DENND1B: variants seen among roughly 807,000 people sequenced by gnomAD.
DENND1B encodes DENN domain containing 1B, also known as DENN domain-containing protein 1B.
Under a neutral mutation model 90.1 loss-of-function variants are expected in DENND1B, and 59 were observed. That is an observed-to-expected ratio of 0.65 (90% CI 0.53 to 0.81). The LOEUF (loss-of-function observed/expected upper bound fraction) is 0.81. Among genes scored for constraint, DENND1B ranks in the 40% least tolerant of loss-of-function variants. DENND1B has a pLI of 0.00. For synonymous variants in DENND1B, 337 were observed against 324.6 expected, an observed-to-expected ratio of 1.04 and a Z score of -0.41; for missense variants, 862 against 912.6, an observed-to-expected ratio of 0.94 and a Z score of 0.71.
chr1:197,644,591 T>G (rs903083549), intron 9 of DENND1B, among the ~76,000 whole-genome samples: 1 of 151,828 alleles, frequency 6.6e-6, no homozygotes, highest in African/African-American at 2.4e-5. Flanking sequence ...TGGCCTACAG[T>G]GTACAGCAGT....
intron 20 of DENND1B, among the ~76,000 whole-genome samples, chr1:197,523,568 G>A (rs1668926419): frequency 6.6e-6 from 1 of 152,136 alleles, no homozygotes; most frequent in South Asian, 2.1e-4. Flanking sequence ...ATATAGCTCA[G>A]GGGTTCCAGG....
At chr1:197,659,636 A>G (rs1654207765) in intron 5 of DENND1B, among the ~76,000 whole-genome samples, 1 of 152,006 alleles carries the variant, frequency 6.6e-6, no homozygotes, top group Non-Finnish European at 1.5e-5. Flanking sequence ...AAAAAACAAT[A>G]GCAATGCAGG....
chr1:197,624,673 C>T (rs1678489684), intron 10 of DENND1B, among the ~76,000 whole-genome samples: 1 of 151,872 alleles, frequency 6.6e-6, no homozygotes, highest in Admixed American at 6.6e-5. Flanking sequence ...TAGAGAATGA[C>T]TTTGACGAGT....
upstream of DENND1B, among the ~76,000 whole-genome samples, chr1:197,777,257 T>C (rs4619002): frequency 4.6e-5 from 7 of 152,202 alleles, no homozygotes; most frequent in African/African-American, 9.6e-5. Flanking sequence ...GAGATAATAA[T>C]ACAATTGTTT....
intron 13 of DENND1B, among the ~76,000 whole-genome samples, chr1:197,600,990 T>C (rs1228300972): frequency 6.6e-6 from 1 of 151,608 alleles, no homozygotes; most frequent in South Asian, 2.1e-4. Context: ...ACATGGTTTT[T>C]TTCCCGTGCC....
chr1:197,588,103 G>T (rs758931191), intron 14 of DENND1B, among the ~76,000 whole-genome samples: 2 of 152,170 alleles, frequency 1.3e-5, no homozygotes, highest in Non-Finnish European at 2.9e-5. Flanking sequence ...GGTTCCTAAC[G>T]GGAGCTGGGG....
chr1:197,767,934 G>C (rs1655896242), intron 2 of DENND1B, among the ~76,000 whole-genome samples: 1 of 152,176 alleles, frequency 6.6e-6, no homozygotes, highest in African/African-American at 2.4e-5. Flanking sequence ...CACAGCAGTA[G>C]TTAAAATACA....
chr1:197,670,094 T>C (rs1655338137), intron 5 of DENND1B, among the ~76,000 whole-genome samples: 1 of 112,016 alleles, frequency 8.9e-6, no homozygotes, highest in Non-Finnish European at 1.9e-5. Context: ...TATATTATTC[T>C]TTCAGTCGAT....
Position 197,577,917 on chromosome 1 carries a change from A to G in DENND1B, c.1149+5235T>C, listed in dbSNP as rs142028920. ...CAGAAACTGAGACCAAAAGAGGTTA[A>G]GAAGTCAACTGTCAATGAAAATACA... On this transcript the variant is annotated intron_variant, in intron 15 of 22. Transcript: ENST00000620048. 6.7e-4 allele frequency among the ~76,000 whole-genome samples: 102 copies of G among 152,364 alleles called. No individual in the cohort carries two copies. In the East Asian group the frequency reaches 0.02, roughly 29 times the overall value.
intron 2 of DENND1B, chr1:197,746,787 T>C (rs1304068876): frequency 3.2e-6 from 5 of 1,565,296 alleles, no homozygotes. Context: ...TCCCATCTCT[T>C]CTTTGCTTCA....
chr1:197,651,534 T>G (rs568157035), intron 7 of DENND1B, among the ~76,000 whole-genome samples: 1 of 152,170 alleles, frequency 6.6e-6, no homozygotes, highest in Admixed American at 6.5e-5. Flanking sequence ...TATTTATATG[T>G]TATATGTCAT....
Position 197,607,179 on chromosome 1 carries a change from A to T in DENND1B, c.820-5T>A, listed in dbSNP as rs79528684. 230 of 473,012 alleles carry T rather than the reference A, an allele frequency of 4.9e-4. 2 individuals carry two copies. The highest frequency in any genetic ancestry group is 1.3e-3 in the South Asian group (47 of 37,174). The allele number at this position is 473,012 out of a possible 1,614,324, so 29.3% of individuals were successfully genotyped here. A position where few individuals can be genotyped will look rare whatever the true frequency, so the allele number is the denominator to read the frequency against. On this transcript the variant is annotated splice_polypyrimidine_tract_variant and splice_region_variant and intron_variant, in intron 12 of 22. Transcript: ENST00000620048. ...CAATGATTTGTTTTTCACTCTCTAT[A>T]AAAAAAACACAATTATGAATACAAA...
chr1:197,750,950 C>T (rs1291829146), intron 2 of DENND1B, among the ~76,000 whole-genome samples: 3 of 152,046 alleles, frequency 2.0e-5, no homozygotes, highest in African/African-American at 7.2e-5. Flanking sequence ...TGAAGCAAAA[C>T]CTGACAGCAC....
chr1:197,768,877 C>T (rs1656057970), intron 2 of DENND1B, among the ~76,000 whole-genome samples: 1 of 150,948 alleles, frequency 6.6e-6, no homozygotes, highest in South Asian at 2.1e-4. Flanking sequence ...AAAAAAAAAT[C>T]AATATAATGC....
intron 3 of DENND1B, chr1:197,689,180 G>A (rs1278610268): frequency 1.3e-5 from 2 of 152,236 alleles, no homozygotes; most frequent in Admixed American, 6.5e-5. Context: ...AGTCCCATAT[G>A]GCTGGGGAGG....
chr1:197,529,611 C>T (rs919823251), intron 20 of DENND1B, among the ~76,000 whole-genome samples: 14 of 151,822 alleles, frequency 9.2e-5, no homozygotes, highest in Non-Finnish European at 2.1e-4. Flanking sequence ...ATTATAACTG[C>T]TAGACTAAGC....
chr1:197,671,694 G>A (rs1655520150), intron 5 of DENND1B, among the ~76,000 whole-genome samples: 1 of 151,806 alleles, frequency 6.6e-6, no homozygotes, highest in South Asian at 2.1e-4. Flanking sequence ...TCCAAGTTCT[G>A]GTTCAGTGAC....
At chr1:197,688,266 A>G (rs565934435) in intron 3 of DENND1B, among the ~76,000 whole-genome samples, 3 of 152,290 alleles carry the variant, frequency 2.0e-5, no homozygotes, top group Admixed American at 6.5e-5. Flanking sequence ...TACAGATTCA[A>G]TGCAATCCCT....
chr1:197,552,878 T>C, intron 16 of DENND1B, 144 bp downstream of exon 16: 1 of 1,441,298 alleles, frequency 6.9e-7, no homozygotes, highest in South Asian at 1.6e-5. Flanking sequence ...ATAGCTTTTA[T>C]AAGATGAAAA....
Sources: gnomAD v4.1 joint callset for allele counts (sites outside exome capture counted in the v4.1 genomes callset) on GRCh38, gnomAD v4.1.1 for gene constraint, MANE v1.5 for transcripts, NCBI Gene and HGNC (gene_info 2026-07-23, HGNC 2026-07-21) for gene names.